Variants in AUTS2 observed in about 807,000 individuals in gnomAD.
AUTS2 encodes the protein autism susceptibility gene 2 protein.
A neutral mutation model predicts 112.4 loss-of-function variants in AUTS2; 17 were observed. That is an observed-to-expected ratio of 0.15 (90% CI 0.10 to 0.23). AUTS2 has a LOEUF of 0.23. Among genes scored for constraint, AUTS2 ranks in the 10% least tolerant of loss-of-function variants. The pLI is 1.00. For synonymous variants in AUTS2, 751 were observed against 702.7 expected (o/e 1.07, Z -1.09); for missense variants, 1,510 against 1,701.6 (o/e 0.89, Z 1.98).
intron 5 of AUTS2, among the ~76,000 whole-genome samples, chr7:70,673,379 T>TC (rs1213104827): frequency 1.3e-5 from 2 of 151,530 alleles, no homozygotes; most frequent in Non-Finnish European, 2.9e-5. Context: ...TTTTCTTTTT[T>TC]TTTTTAAGAC....
chr7:70,564,209 A>G (rs1375139910), intron 5 of AUTS2, among the ~76,000 whole-genome samples: 1 of 152,230 alleles, frequency 6.6e-6, no homozygotes, highest in Admixed American at 6.5e-5. Flanking sequence ...TTTTTCAAAG[A>G]CATAACTGTA....
chr7:70,098,150 TA>T (rs1428965602), intron 2 of AUTS2, among the ~76,000 whole-genome samples: 1 of 152,210 alleles, frequency 6.6e-6, no homozygotes, highest in African/African-American at 2.4e-5. Flanking sequence ...TATGGCCTCA[TA>T]AAAAGCCTGA....
At chr7:69,714,237 A>ATGTGTG (rs138808537) in intron 1 of AUTS2, among the ~76,000 whole-genome samples, 14 of 89,990 alleles carry the variant, frequency 1.6e-4, no homozygotes, top group Admixed American at 9.4e-4. Context: ...CTAATTGTGC[A>ATGTGTG]TGTGTGTGTA....
intron 5 of AUTS2, among the ~76,000 whole-genome samples, chr7:70,615,350 C>T (rs1277867376): frequency 2.6e-5 from 4 of 152,134 alleles, no homozygotes; most frequent in African/African-American, 2.4e-5. Flanking sequence ...TCAGGTGGAC[C>T]TTCCAGCACA....
At chr7:70,493,444 T>C (rs765713110) in intron 5 of AUTS2, among the ~76,000 whole-genome samples, 1 of 152,184 alleles carries the variant, frequency 6.6e-6, no homozygotes, top group African/African-American at 2.4e-5. Context: ...CTCATTTGGC[T>C]TGTTGTGTCA....
chr7:70,566,108 G>A (rs1381323455), intron 5 of AUTS2, among the ~76,000 whole-genome samples: 5 of 152,168 alleles, frequency 3.3e-5, no homozygotes, highest in South Asian at 2.1e-4. Flanking sequence ...CAAAGAATCC[G>A]ATCCATTCAG....
intron 1 of AUTS2, among the ~76,000 whole-genome samples, chr7:69,828,710 T>C (rs1159283497): frequency 1.3e-5 from 2 of 152,168 alleles, no homozygotes; most frequent in Non-Finnish European, 2.9e-5. Context: ...ATAAATATTA[T>C]ATTGTAATGT....
intron 4 of AUTS2, among the ~76,000 whole-genome samples, chr7:70,303,801 C>T (rs1039609155): frequency 6.6e-6 from 1 of 152,200 alleles, no homozygotes; most frequent in African/African-American, 2.4e-5. Flanking sequence ...CCTCACCCCT[C>T]CCAGAGCAAG....
chr7:70,660,718 G>C (rs1397845481), intron 5 of AUTS2, among the ~76,000 whole-genome samples: 1 of 152,202 alleles, frequency 6.6e-6, no homozygotes, highest in East Asian at 1.9e-4. Flanking sequence ...GTAGCTGTTG[G>C]TTTATTCAAC....
chr7:69,844,205 T>C (rs1411413699), intron 1 of AUTS2, among the ~76,000 whole-genome samples: 2 of 152,194 alleles, frequency 1.3e-5, no homozygotes, highest in Non-Finnish European at 2.9e-5. Flanking sequence ...TTAATGTTAG[T>C]ATGGGCTACT....
At chr7:70,243,917 A>C (rs1157620291) in intron 4 of AUTS2, among the ~76,000 whole-genome samples, 1 of 151,634 alleles carries the variant, frequency 6.6e-6, no homozygotes, top group Admixed American at 6.6e-5. Flanking sequence ...TATGGGAGAT[A>C]CTCTTACTCT....
intron 2 of AUTS2, among the ~76,000 whole-genome samples, chr7:69,956,140 C>T (rs1797200314): frequency 6.6e-6 from 1 of 152,024 alleles, no homozygotes; most frequent in Admixed American, 6.5e-5. Flanking sequence ...GCTGCTTTGC[C>T]TTCTCTTTCT....
Position 70,543,367 on chromosome 7 carries a change from A to G in AUTS2, c.690+107586A>G, listed in dbSNP as rs573604946. On this transcript the variant is annotated intron_variant, in intron 5 of 18. Transcript: ENST00000342771. ...AAATACAAAAATTAGCCAGGCACCT[A>G]TAATCCCAGCTACTCGGGAGGGGTG... 2.0e-3 allele frequency among the ~76,000 whole-genome samples: 299 copies of G among 152,018 alleles called. 1 individual carries two copies. The highest frequency in any genetic ancestry group is 6.2e-3 in the South Asian group (30 of 4,804).
At chr7:69,822,781 A>G (rs1296600613) in intron 1 of AUTS2, among the ~76,000 whole-genome samples, 2 of 152,176 alleles carry the variant, frequency 1.3e-5, no homozygotes, top group East Asian at 1.9e-4. Flanking sequence ...GTGGAGTCCA[A>G]TCCAATATCT....
chr7:70,147,514 G>A (rs1005046361), intron 4 of AUTS2, among the ~76,000 whole-genome samples: 1 of 152,080 alleles, frequency 6.6e-6, no homozygotes, highest in Non-Finnish European at 1.5e-5. Context: ...TTGTAAAATA[G>A]TTTCCATGGA....
At chr7:70,387,898 T>TA (rs2129638397) in intron 4 of AUTS2, among the ~76,000 whole-genome samples, 1 of 152,288 alleles carries the variant, frequency 6.6e-6, no homozygotes, top group East Asian at 1.9e-4. Context: ...CTTCAACACA[T>TA]ATGTCATATC....
At chr7:70,234,806 G>T (rs1812234073) in intron 4 of AUTS2, among the ~76,000 whole-genome samples, 1 of 152,020 alleles carries the variant, frequency 6.6e-6, no homozygotes, top group Non-Finnish European at 1.5e-5. Context: ...GCTTGTCCTG[G>T]GATCTTCACA....
At chr7:69,710,505 G>A (rs1490467311) in intron 1 of AUTS2, among the ~76,000 whole-genome samples, 3 of 152,174 alleles carry the variant, frequency 2.0e-5, no homozygotes, top group Non-Finnish European at 4.4e-5. Context: ...ACATGTCTTA[G>A]TCCTTGAGTA....
intron 6 of AUTS2, among the ~76,000 whole-genome samples, chr7:70,705,376 T>G (rs1401499814): frequency 6.6e-6 from 1 of 152,190 alleles, no homozygotes; most frequent in Non-Finnish European, 1.5e-5. Flanking sequence ...GCATTTCGGA[T>G]TTTTACCAGT....
Sources: allele counts gnomAD v4.1 joint callset (sites outside exome capture counted in the v4.1 genomes callset), GRCh38; gene constraint gnomAD v4.1.1; transcripts MANE v1.5; gene names NCBI Gene and HGNC (gene_info 2026-07-23, HGNC 2026-07-21).